The following GPC3 variants were observed in gnomAD, a reference collection of about 807,000 sequenced individuals.
The protein encoded by GPC3 is glypican-3.
GPC3 carries 3 observed loss-of-function variants against 34.4 expected under a neutral mutation model. That is an observed-to-expected ratio of 0.09 (90% CI 0.04 to 0.23). The LOEUF is 0.23. Among genes scored for constraint, GPC3 ranks in the 10% least tolerant of loss-of-function variants. GPC3 has a pLI of 1.00. For synonymous variants in GPC3, 177 were observed against 174.0 expected, an observed-to-expected ratio of 1.02 and a Z score of -0.13; for missense variants, 351 against 445.6, an observed-to-expected ratio of 0.79 and a Z score of 1.91.
At chrX:133,673,660 A>C (rs2070855622) in intron 5 of GPC3, among the ~76,000 whole-genome samples, 1 of 112,188 alleles carries the variant, frequency 8.9e-6, no homozygotes, top group Admixed American at 9.4e-5. Context: ...CATGGGTTCA[A>C]AGCTGGTGCC....
At position 133,985,282 on chromosome X, in the gene GPC3, G is replaced by C. The variant is rs188592483; in HGVS notation, c.168C>G (p.Pro56=). 65 of 1,209,667 alleles carry C rather than the reference G, an allele frequency of 5.4e-5. 1 individual carries two copies. In the African/African-American group the frequency reaches 6.6e-4, roughly 12 times the overall value. Residue 56 remains proline (P), a synonymous_variant, in exon 1 of 8, where the codon CCC becomes CCG. Transcript: ENST00000370818. ...CAAGGGACCCCTCCTCACCTGGCACGGGAGTTTCTGGCACCCACTTGAGTC... is the reference window on the plus strand; with the variant it reads ...CAAGGGACCCCTCCTCACCTGGCACCGGAGTTTCTGGCACCCACTTGAGTC... The part of the protein sequence containing the change: ...QPGLKWVPET[P]VPGSDLQVCL...
At chrX:133,937,049 A>C (rs1360115866) in intron 2 of GPC3, among the ~76,000 whole-genome samples, 2 of 109,874 alleles carry the variant, frequency 1.8e-5, no homozygotes, top group Admixed American at 9.7e-5. Context: ...TTTTTTTAAC[A>C]CTCAGACTCT....
intron 1 of GPC3, among the ~76,000 whole-genome samples, chrX:133,957,729 C>T (rs746722197): frequency 1.8e-5 from 2 of 111,986 alleles, no homozygotes; most frequent in Non-Finnish European, 3.8e-5. Context: ...CAAAAGCACT[C>T]TTTAAATATA....
chrX:133,620,672 G>C (rs1240414980), intron 6 of GPC3, among the ~76,000 whole-genome samples: 1 of 111,148 alleles, frequency 9.0e-6, no homozygotes, highest in Non-Finnish European at 1.9e-5. Flanking sequence ...TGATAGAGCA[G>C]ACTCTATAAT....
At chrX:133,945,366 G>A (rs1239413593) in intron 2 of GPC3, among the ~76,000 whole-genome samples, 3 of 111,192 alleles carry the variant, frequency 2.7e-5, no homozygotes, top group Non-Finnish European at 5.7e-5. Flanking sequence ...ACTCCAGCCT[G>A]GGCAACAGAG....
intron 2 of GPC3, among the ~76,000 whole-genome samples, chrX:133,866,458 T>C (rs2075967877): frequency 8.9e-6 from 1 of 111,926 alleles, no homozygotes; most frequent in Admixed American, 9.5e-5. Context: ...AAATGAGGTA[T>C]ACTCCCCTCA....
intron 2 of GPC3, among the ~76,000 whole-genome samples, chrX:133,768,628 G>A (rs1470879897): frequency 4.5e-5 from 5 of 111,730 alleles, no homozygotes; most frequent in Admixed American, 3.8e-4. Context: ...AGTGTCCCTT[G>A]ACAGATGAAT....
chrX:133,916,572 T>C (rs1274619607), intron 2 of GPC3, among the ~76,000 whole-genome samples: 4 of 112,034 alleles, frequency 3.6e-5, no homozygotes, highest in Non-Finnish European at 7.5e-5. Context: ...TTATCAAGAC[T>C]TCATTGTATC....
chrX:133,752,584 G>A (rs1014339275), intron 3 of GPC3, among the ~76,000 whole-genome samples: 2 of 111,253 alleles, frequency 1.8e-5, no homozygotes, highest in African/African-American at 6.5e-5. Flanking sequence ...GAAACTGACT[G>A]GTAACTCTTG....
chrX:133,608,858 T>C (rs771898026), intron 6 of GPC3, among the ~76,000 whole-genome samples: 1 of 112,176 alleles, frequency 8.9e-6, no homozygotes, highest in Non-Finnish European at 1.9e-5. Context: ...TTTAAATATG[T>C]TTCAGATAAT....
At chrX:133,825,385 C>A (rs113229450) in intron 2 of GPC3, among the ~76,000 whole-genome samples, 9 of 112,009 alleles carry the variant, frequency 8.0e-5, no homozygotes, top group Admixed American at 5.7e-4. Context: ...GGAAGTGGAG[C>A]TCTCACAAAG....
At chrX:133,641,506 A>G (rs1025923633) in intron 6 of GPC3, among the ~76,000 whole-genome samples, 1 of 110,624 alleles carries the variant, frequency 9.0e-6, no homozygotes, top group South Asian at 3.9e-4. Flanking sequence ...AAGAGGAGAC[A>G]GAGAGATTAG....
intron 6 of GPC3, among the ~76,000 whole-genome samples, chrX:133,619,751 G>A (rs2070209390): frequency 9.1e-6 from 1 of 110,380 alleles, no homozygotes; most frequent in African/African-American, 3.3e-5. Context: ...TGCAGAACTT[G>A]GTCAATATAC....
At chrX:133,828,359 T>C (rs1039691986) in intron 2 of GPC3, among the ~76,000 whole-genome samples, 1 of 111,225 alleles carries the variant, frequency 9.0e-6, no homozygotes, top group Non-Finnish European at 1.9e-5. Context: ...GTTTCACCCA[T>C]GTTGACCAGG....
chrX:133,927,652 A>AT (rs2076281457), intron 2 of GPC3, among the ~76,000 whole-genome samples: 1 of 108,400 alleles, frequency 9.2e-6, no homozygotes, highest in African/African-American at 3.4e-5. Flanking sequence ...TAATTTTTGT[A>AT]TTTTTTGTAG....
rs764841829 is a variant in GPC3, at chrX:133,654,015, C to T, written c.1413+7715G>A. ...TCCTCTGTAAAATCAAAGGGTTAGACCCTATGATCCTGCACTTATATAATT... is the reference window on the plus strand; with the variant it reads ...TCCTCTGTAAAATCAAAGGGTTAGATCCTATGATCCTGCACTTATATAATT... On this transcript the variant is annotated intron_variant, in intron 6 of 7. Transcript: ENST00000370818. 2.7e-5 allele frequency among the ~76,000 whole-genome samples: 3 copies of T among 111,755 alleles called. No individual in the cohort carries two copies. The East Asian group carries it at 8.4e-4, about 31-fold the overall frequency.
intron 7 of GPC3, among the ~76,000 whole-genome samples, chrX:133,590,780 G>A (rs2069839506): frequency 9.0e-6 from 1 of 111,621 alleles, no homozygotes; most frequent in Admixed American, 9.5e-5. Context: ...TAGAACTATA[G>A]CTCAAGAGAA....
At chrX:133,903,416 T>C (rs1475966152) in intron 2 of GPC3, among the ~76,000 whole-genome samples, 1 of 109,799 alleles carries the variant, frequency 9.1e-6, no homozygotes, top group Non-Finnish European at 1.9e-5. Context: ...TGAGACCCCG[T>C]CTCTACTAAA....
intron 7 of GPC3, among the ~76,000 whole-genome samples, chrX:133,595,534 A>G (rs1414422478): frequency 9.0e-6 from 1 of 110,656 alleles, no homozygotes; most frequent in Non-Finnish European, 1.9e-5. Context: ...TTTAGTTATT[A>G]TTATTTTTTT....
Sources: allele counts gnomAD v4.1 joint callset (sites outside exome capture counted in the v4.1 genomes callset), GRCh38; gene constraint gnomAD v4.1.1; transcripts MANE v1.5; gene names NCBI Gene and HGNC (gene_info 2026-07-23, HGNC 2026-07-21).